The following GRAMD1C variants were observed in gnomAD, a reference collection of about 807,000 sequenced individuals.
The protein encoded by GRAMD1C is protein Aster-C.
Under a neutral mutation model 97.8 loss-of-function variants are expected in GRAMD1C, and 89 were observed. The ratio of observed to expected loss-of-function variants is 0.91; its 90% CI spans 0.77 to 1.09. GRAMD1C has a LOEUF of 1.09. Ranked by LOEUF, GRAMD1C falls within the 50% of genes least tolerant of loss-of-function variation. GRAMD1C has a pLI of 0.00. For missense variants in GRAMD1C, 740 were observed against 766.4 expected, an observed-to-expected ratio of 0.97 and a Z score of 0.41; for synonymous variants, 256 against 267.0, an observed-to-expected ratio of 0.96 and a Z score of 0.40.
intron 2 of GRAMD1C, among the ~76,000 whole-genome samples, chr3:113,863,290 A>G (rs1934466389): frequency 6.6e-6 from 1 of 152,212 alleles, no homozygotes; most frequent in African/African-American, 2.4e-5. Context: ...TGCAATATAG[A>G]TGAACCTTGA....
At chr3:113,835,760 G>A (rs763826029), upstream of GRAMD1C, among the ~76,000 whole-genome samples, 79 of 152,250 alleles carry the variant, frequency 5.2e-4, no homozygotes, top group Non-Finnish European at 1.0e-3. Flanking sequence ...ATTTTTGTCT[G>A]TGTTTAGACA....
intron 10 of GRAMD1C, among the ~76,000 whole-genome samples, chr3:113,927,590 G>C (rs888935544): frequency 6.6e-6 from 1 of 152,166 alleles, no homozygotes; most frequent in African/African-American, 2.4e-5. Context: ...TGCTGTCTGG[G>C]TACTTCCTAG....
At chr3:113,927,878 T>C (rs72954654) in intron 10 of GRAMD1C, among the ~76,000 whole-genome samples, 4,325 of 152,278 alleles carry the variant, frequency 0.028, 215 homozygotes, top group African/African-American at 0.098. Context: ...GTGACCGCTA[T>C]TGGGGATATG....
At position 113,936,700 on chromosome 3, in the gene GRAMD1C, T is replaced by A. The variant is rs778755358; in HGVS notation, c.1633+258T>A. 2.0e-4 allele frequency: 59 copies of A among 300,678 alleles called. 1 individual carries two copies. Among genetic ancestry groups the A allele is most frequent in the Non-Finnish European group, 2.8e-4 (47 of 166,048 alleles). 18.6% of individuals were successfully genotyped at this position (300,678 alleles called of 1,614,324 possible). A position where few individuals can be genotyped will look rare whatever the true frequency, so the allele number is the denominator to read the frequency against. On this transcript the variant is annotated intron_variant, in intron 14 of 17. Coordinates refer to ENST00000358160, the MANE Select transcript of GRAMD1C (RefSeq NM_017577.5). ...TAAGAATTGGACATTAAACTTTTTT[T>A]AAAATTTTATTTATTTTTTCTAGAT... is the stretch of plus-strand genomic sequence containing the variant.
In GRAMD1C at chr3:113,900,452, G is replaced by A. The variant is rs757221558; in HGVS notation, c.541-579G>A. Among the ~76,000 whole-genome samples, 34 of 104,844 alleles carry A rather than the reference G, an allele frequency of 3.2e-4. No individual in the cohort carries two copies. In the South Asian group the frequency reaches 4.1e-3, roughly 13 times the overall value. The allele number at this position is 104,844 out of a possible 152,430, so 68.8% of individuals were successfully genotyped here. ...TATTATTATTTTGAGATGGAGTCTC[G>A]CTCTGTCACCCAGGCTGGAGTGCAG... On this transcript the variant is annotated intron_variant, in intron 6 of 17. Transcript: ENST00000358160.
At chr3:113,932,521 T>C (rs1019574392) in intron 11 of GRAMD1C, among the ~76,000 whole-genome samples, 1 of 152,190 alleles carries the variant, frequency 6.6e-6, no homozygotes, top group Non-Finnish European at 1.5e-5. Flanking sequence ...TGAACTTTGA[T>C]TAATTTTGAG....
chr3:113,856,547 T>G (rs6798169), intron 2 of GRAMD1C, among the ~76,000 whole-genome samples: 4,622 of 99,700 alleles, frequency 0.046, 256 homozygotes, highest in African/African-American at 0.14. Context: ...ATGTATGTAT[T>G]TATTTATTTA....
chr3:113,921,230 A>G (rs1022452624), intron 10 of GRAMD1C, among the ~76,000 whole-genome samples: 1 of 152,212 alleles, frequency 6.6e-6, no homozygotes, highest in South Asian at 2.1e-4. Flanking sequence ...GTTGCTACAA[A>G]GGGCATGACC....
chr3:113,945,565 A>T lies in GRAMD1C; in HGVS notation c.*87A>T. On this transcript the variant is annotated 3_prime_UTR_variant, in exon 18 of 18. Coordinates refer to ENST00000358160, the MANE Select transcript of GRAMD1C (RefSeq NM_017577.5). ...CCAGACGAATGAAGGATTTTGGCAT[A>T]GAACATTTCTATGTTTTTTCATTAT... 1.4e-6 allele frequency: 1 copy of T among 719,274 alleles called. No homozygotes were observed. Among genetic ancestry groups the T allele is most frequent in the South Asian group, 1.6e-5 (1 of 61,366 alleles). 44.6% of individuals were successfully genotyped at this position (719,274 alleles called of 1,614,324 possible).
chr3:113,901,553 A>G (rs1466203509), intron 7 of GRAMD1C, among the ~76,000 whole-genome samples: 1 of 152,232 alleles, frequency 6.6e-6, no homozygotes, highest in Non-Finnish European at 1.5e-5. Context: ...TTGGCACTCC[A>G]TAAATATTGA....
At chr3:113,941,711 C>G (rs552407087) in intron 17 of GRAMD1C, among the ~76,000 whole-genome samples, 6 of 151,596 alleles carry the variant, frequency 4.0e-5, no homozygotes, top group Admixed American at 6.6e-5. Context: ...CTCTGCCTCC[C>G]AGGTTCAAGT....
At chr3:113,918,481 T>C (rs1936918736) in intron 10 of GRAMD1C, among the ~76,000 whole-genome samples, 2 of 152,214 alleles carry the variant, frequency 1.3e-5, no homozygotes. Flanking sequence ...TTCTGATATA[T>C]CTGGCTTCAA....
At chr3:113,893,660 G>T (rs1401896187) in intron 6 of GRAMD1C, among the ~76,000 whole-genome samples, 1 of 152,140 alleles carries the variant, frequency 6.6e-6, no homozygotes, top group African/African-American at 2.4e-5. Context: ...TAGCTGGTTT[G>T]GTATACAGTT....
chr3:113,890,087 A>C (rs574231813), intron 6 of GRAMD1C, among the ~76,000 whole-genome samples: 1 of 152,242 alleles, frequency 6.6e-6, no homozygotes, highest in South Asian at 2.1e-4. Context: ...CGCTGAGGAC[A>C]GGCTCTCCTA....
At chr3:113,878,596 A>G (rs1935139876) in intron 5 of GRAMD1C, among the ~76,000 whole-genome samples, 2 of 152,166 alleles carry the variant, frequency 1.3e-5, no homozygotes, top group South Asian at 4.2e-4. Flanking sequence ...CCATCCATCT[A>G]AAACATAAAT....
intron 2 of GRAMD1C, among the ~76,000 whole-genome samples, chr3:113,857,527 C>T (rs1190889556): frequency 4.6e-5 from 7 of 152,080 alleles, no homozygotes; most frequent in Non-Finnish European, 1.0e-4. Context: ...GGGCGCCCAC[C>T]ACCACGCCTG....
chr3:113,936,255 T>C lies in GRAMD1C; in HGVS notation c.1457-11T>C. 1 of 1,508,298 alleles carries C rather than the reference T, an allele frequency of 6.6e-7. No individual in the cohort carries two copies. Among genetic ancestry groups the C allele is most frequent in the Non-Finnish European group, 9.1e-7 (1 of 1,099,678 alleles). The allele number at this position is 1,508,298 out of a possible 1,614,324, so 93.4% of individuals were successfully genotyped here. A position where few individuals can be genotyped will look rare whatever the true frequency, so the allele number is the denominator to read the frequency against. ...TCCTCACTATATAAAGATTGTTTTT[T>C]TTTTTCTTAGAATCAGATTTGTTAA... On this transcript the variant is annotated splice_polypyrimidine_tract_variant and intron_variant, in intron 13 of 17. Transcript: ENST00000358160.
At chr3:113,851,527 T>C (rs1161264475) in intron 2 of GRAMD1C, among the ~76,000 whole-genome samples, 2 of 150,690 alleles carry the variant, frequency 1.3e-5, no homozygotes, top group East Asian at 3.9e-4. Context: ...TCTTTCTTTT[T>C]TTTTTTTTTT....
chr3:113,843,557 G>T (rs1933471910), intron 1 of GRAMD1C, among the ~76,000 whole-genome samples: 1 of 151,736 alleles, frequency 6.6e-6, no homozygotes, highest in South Asian at 2.1e-4. Context: ...TCGGCTCACT[G>T]CAACCTCCTC....
Sources: gnomAD v4.1 joint callset for allele counts (sites outside exome capture counted in the v4.1 genomes callset) on GRCh38, gnomAD v4.1.1 for gene constraint, MANE v1.5 for transcripts, NCBI Gene and HGNC (gene_info 2026-07-23, HGNC 2026-07-21) for gene names.